Variants in DCAKD observed in about 807,000 individuals in gnomAD.
The protein encoded by DCAKD is dephospho-CoA kinase domain-containing protein.
A neutral mutation model predicts 18.7 loss-of-function variants in DCAKD; 15 were observed. The observed-to-expected ratio is 0.80, with a 90% CI of 0.54 to 1.24. DCAKD has a LOEUF of 1.24. Ranked by LOEUF, DCAKD falls within the 50% of genes most tolerant of loss-of-function variation. The pLI is 0.00. For missense variants in DCAKD, 301 were observed against 322.0 expected, an observed-to-expected ratio of 0.93 and a Z score of 0.50; for synonymous variants, 130 against 133.0, an observed-to-expected ratio of 0.98 and a Z score of 0.16.
intron 1 of DCAKD, among the ~76,000 whole-genome samples, chr17:45,048,294 G>A (rs12453616): frequency 6.6e-6 from 1 of 151,934 alleles, no homozygotes; most frequent in Non-Finnish European, 1.5e-5. Context: ...CTTGAGGCCA[G>A]GAGTTTGAGA....
At chr17:45,036,853 C>A (rs2053312792) in intron 1 of DCAKD, among the ~76,000 whole-genome samples, 1 of 152,162 alleles carries the variant, frequency 6.6e-6, no homozygotes, top group African/African-American at 2.4e-5. Context: ...CCTCAAATCA[C>A]TTCTCCAGGA....
chr17:45,056,175 G>T (rs2053777724), upstream of DCAKD, among the ~76,000 whole-genome samples: 1 of 151,394 alleles, frequency 6.6e-6, no homozygotes. Context: ...AAAAAAAGAA[G>T]GTTATCTCTG....
intron 3 of DCAKD, chr17:45,031,562 G>C (rs1225059991): frequency 1.0e-6 from 1 of 985,214 alleles, no homozygotes; most frequent in Non-Finnish European, 1.2e-6. Context: ...CTGTTGCAGG[G>C]GGAGGCCAAC....
At position 45,024,214 on chromosome 17, in the gene DCAKD, T is replaced by C. The variant is rs1409312300; in HGVS notation, c.*219A>G. ...GGTGGGAAGGACAGCAGGCTATTTCTTGATCTCAAATAGGATACACTCCAA... is the reference window on the plus strand; with the variant it reads ...GGTGGGAAGGACAGCAGGCTATTTCCTGATCTCAAATAGGATACACTCCAA... On this transcript the variant is annotated 3_prime_UTR_variant, in exon 5 of 5. Coordinates refer to ENST00000651974, the MANE Select transcript of DCAKD (RefSeq NM_001288655.2). 3.5e-6 allele frequency: 2 copies of C among 572,912 alleles called. No individual in the cohort carries two copies. The highest frequency in any genetic ancestry group is 2.8e-5 in the East Asian group (1 of 35,236). The allele number at this position is 572,912 out of a possible 1,614,324, so 35.5% of individuals were successfully genotyped here.
At chr17:45,039,181 G>C (rs1416578734) in intron 1 of DCAKD, among the ~76,000 whole-genome samples, 1 of 152,136 alleles carries the variant, frequency 6.6e-6, no homozygotes, top group Non-Finnish European at 1.5e-5. Flanking sequence ...AGCTCAGCAA[G>C]GAGGAAATAG....
chr17:45,033,478 T>C (rs2053216296), intron 3 of DCAKD, among the ~76,000 whole-genome samples: 1 of 152,180 alleles, frequency 6.6e-6, no homozygotes, highest in African/African-American at 2.4e-5. Context: ...TTTTCTTTTT[T>C]TTGAGACGGA....
chr17:45,050,268 T>C (rs1372106894), intron 1 of DCAKD, among the ~76,000 whole-genome samples: 1 of 151,872 alleles, frequency 6.6e-6, no homozygotes. Context: ...GGTCTCGAAC[T>C]CCTAACCTCG....
Position 45,024,144 on chromosome 17 carries a change from T to C in DCAKD, c.*289A>G, listed in dbSNP as rs1255796967. 1 of 394,182 alleles carries C rather than the reference T, an allele frequency of 2.5e-6. No individual in the cohort carries two copies. Among genetic ancestry groups the C allele is most frequent in the African/African-American group, 2.0e-5 (1 of 51,090 alleles). The allele number at this position is 394,182 out of a possible 1,614,324, so 24.4% of individuals were successfully genotyped here. ...GTATAGCAGTCTCTGACTGTTGCTTTCACACACCATCACGGTTGCTGTTCT... is the reference window on the plus strand; with the variant it reads ...GTATAGCAGTCTCTGACTGTTGCTTCCACACACCATCACGGTTGCTGTTCT... On this transcript the variant is annotated 3_prime_UTR_variant, in exon 5 of 5. Coordinates refer to ENST00000651974, the MANE Select transcript of DCAKD (RefSeq NM_001288655.2).
chr17:45,027,473 G>C (rs1384717410), intron 4 of DCAKD, among the ~76,000 whole-genome samples: 1 of 152,220 alleles, frequency 6.6e-6, no homozygotes, highest in African/African-American at 2.4e-5. Flanking sequence ...AGATCCCTTT[G>C]GTGAAAAGCA....
At chr17:45,056,745 G>A (rs1449006072) in intron 1 of DCAKD, among the ~76,000 whole-genome samples, 1 of 152,048 alleles carries the variant, frequency 6.6e-6, no homozygotes, top group African/African-American at 2.4e-5. Flanking sequence ...AAAGTGCTGG[G>A]ATTATAGGCA....
chr17:45,042,764 C>A (rs2053470193), intron 1 of DCAKD, among the ~76,000 whole-genome samples: 1 of 152,198 alleles, frequency 6.6e-6, no homozygotes, highest in Non-Finnish European at 1.5e-5. Context: ...AGTCCAAGTT[C>A]TCTTCGTGGG....
intron 4 of DCAKD, among the ~76,000 whole-genome samples, chr17:45,025,009 C>CTTTT (rs747194341): frequency 1.2e-4 from 14 of 113,288 alleles, no homozygotes; most frequent in Non-Finnish European, 1.6e-4. Context: ...GGCCACAGCT[C>CTTTT]TTTTTTTTTT....
chr17:45,057,321 G>GC (rs1223274533), intron 1 of DCAKD, among the ~76,000 whole-genome samples: 1 of 151,916 alleles, frequency 6.6e-6, no homozygotes, highest in Non-Finnish European at 1.5e-5. Context: ...GGGATTACAG[G>GC]CATGAGCCAC....
rs1355784494 is a variant in DCAKD at position 45,023,565 on chromosome 17, G to C, written c.*868C>G. 1 of 138,838 alleles carries C rather than the reference G, an allele frequency of 7.2e-6. No homozygotes were observed. Among genetic ancestry groups the C allele is most frequent in the African/African-American group, 2.6e-5 (1 of 38,212 alleles). 8.6% of individuals were successfully genotyped at this position (138,838 alleles called of 1,614,324 possible). On this transcript the variant is annotated 3_prime_UTR_variant, in exon 5 of 5. Transcript: ENST00000651974. ...CCTAGACCACCTAACCCAGCCTGGG[G>C]CTTTAGACAGTGCCTGAACTGAGAG... is the stretch of plus-strand genomic sequence containing the variant.
At chr17:45,025,447 T>C (rs1481063398) in intron 4 of DCAKD, among the ~76,000 whole-genome samples, 1 of 152,062 alleles carries the variant, frequency 6.6e-6, no homozygotes, top group Non-Finnish European at 1.5e-5. Context: ...CAATATCAAG[T>C]CTCCCAACTC....
At chr17:45,036,627 AG>A (rs924694489) in intron 1 of DCAKD, among the ~76,000 whole-genome samples, 1 of 152,212 alleles carries the variant, frequency 6.6e-6, no homozygotes, top group Non-Finnish European at 1.5e-5. Context: ...GGTGAAAAGT[AG>A]GAGTTACAGT....
intron 1 of DCAKD, among the ~76,000 whole-genome samples, chr17:45,037,062 T>A (rs1448999323): frequency 6.6e-6 from 1 of 152,138 alleles, no homozygotes; most frequent in East Asian, 1.9e-4. Flanking sequence ...GAAATTGAAA[T>A]CTGCCACTGC....
At chr17:45,028,611 T>C (rs923385145) in intron 4 of DCAKD, among the ~76,000 whole-genome samples, 11 of 151,286 alleles carry the variant, frequency 7.3e-5, no homozygotes, top group African/African-American at 1.2e-4. Context: ...GGTTTCTCCA[T>C]GTTGGTCATG....
intron 4 of DCAKD, chr17:45,026,495 G>A: frequency 1.9e-6 from 1 of 525,696 alleles, no homozygotes; most frequent in Non-Finnish European, 2.4e-6. Context: ...CAAAGTGCTG[G>A]ATTACAGGTG....
Sources: allele counts gnomAD v4.1 joint callset (sites outside exome capture counted in the v4.1 genomes callset), GRCh38; gene constraint gnomAD v4.1.1; transcripts MANE v1.5; gene names NCBI Gene and HGNC (gene_info 2026-07-23, HGNC 2026-07-21).